Variants in FXYD5 observed in about 807,000 individuals in gnomAD.
The protein encoded by FXYD5 is FXYD domain-containing ion transport regulator 5.
A neutral mutation model predicts 25.7 loss-of-function variants in FXYD5; 21 were observed. The observed-to-expected ratio is 0.82, with a 90% CI of 0.58 to 1.18. The LOEUF is 1.18. FXYD5 is among the 50% of genes most tolerant of loss of function. FXYD5 has a pLI of 0.00. For missense variants in FXYD5, 229 were observed against 227.7 expected, an observed-to-expected ratio of 1.01 and a Z score of -0.04; for synonymous variants, 101 against 90.7, an observed-to-expected ratio of 1.11 and a Z score of -0.64.
chr19:35,155,487 G>A (rs2065344877), intron 1 of FXYD5, 64 bp from the exon 2 acceptor site: 3 of 1,328,092 alleles, frequency 2.3e-6, no homozygotes, highest in East Asian at 4.6e-5. Flanking sequence ...CAGGATCCCC[G>A]GGGGCTGCCG....
At chr19:35,165,781 G>A (rs2065444888) in intron 6 of FXYD5, among the ~76,000 whole-genome samples, 1 of 152,120 alleles carries the variant, frequency 6.6e-6, no homozygotes, top group South Asian at 2.1e-4. Context: ...TAGTCAACCT[G>A]TATTTCATAT....
At chr19:35,155,833 C>T (rs527670495) in intron 2 of FXYD5, among the ~76,000 whole-genome samples, 7 of 152,340 alleles carry the variant, frequency 4.6e-5, no homozygotes, top group Admixed American at 2.0e-4. Context: ...CTGGCCAGGG[C>T]CTGTCCTGCT....
intron 5 of FXYD5, among the ~76,000 whole-genome samples, chr19:35,161,248 A>ACACACACACACACACACACACACAC (rs61309039): frequency 0.015 from 2,106 of 142,778 alleles, 71 homozygotes; most frequent in South Asian, 0.032. Flanking sequence ...ACACACACAC[A>ACACACACACACACACACACACACAC]AAAGAATGAT....
intron 4 of FXYD5, among the ~76,000 whole-genome samples, chr19:35,159,089 T>TGCACTCCAGCCTGG (rs1183003110): frequency 3.3e-5 from 5 of 151,238 alleles, no homozygotes; most frequent in Non-Finnish European, 7.4e-5. Flanking sequence ...ATCTTGCCAC[T>TGCACTCCAGCCTGG]GCACTCCAGC....
intron 5 of FXYD5, among the ~76,000 whole-genome samples, chr19:35,162,367 G>A (rs2065414058): frequency 6.6e-6 from 1 of 152,188 alleles, no homozygotes; most frequent in Non-Finnish European, 1.5e-5. Context: ...AATCTGCTCA[G>A]GTTACGATAA....
intron 5 of FXYD5, among the ~76,000 whole-genome samples, chr19:35,161,670 TC>T (rs1202610642): frequency 1.3e-5 from 2 of 152,346 alleles, no homozygotes; most frequent in East Asian, 3.9e-4. Context: ...GAGGGGATTT[TC>T]CTTTGGACAA....
At chr19:35,165,062 A>C (rs2065438906) in intron 6 of FXYD5, among the ~76,000 whole-genome samples, 1 of 150,972 alleles carries the variant, frequency 6.6e-6, no homozygotes, top group South Asian at 2.1e-4. Context: ...TGAAGTCCAA[A>C]ATGTTCCAGT....
chr19:35,157,463 C>T lies in FXYD5; in HGVS notation c.104C>T (p.Ser35Leu). 6.3e-7 allele frequency: 1 copy of T among 1,593,034 alleles called. No homozygotes were observed. Among genetic ancestry groups the T allele is most frequent in the Non-Finnish European group, 8.6e-7 (1 of 1,161,032 alleles). Residue 35 changes from serine to leucine, a missense_variant, in exon 3 of 9, where the codon TCA becomes TTA. Ser to Leu is a moderately radical substitution (Grantham distance 145). Coordinates refer to ENST00000392219, the MANE Select transcript of FXYD5 (RefSeq NM_014164.6). ...ACCACGTCCAGTTCTTCAGCAGACTCAACTATCATGGACATTCAGGTCCCG... is the reference window on the plus strand; with the variant it reads ...ACCACGTCCAGTTCTTCAGCAGACTTAACTATCATGGACATTCAGGTCCCG... Reference protein sequence around the residue: ...KDTTSSSSADSTIMDIQVPTR... With the variant: ...KDTTSSSSADLTIMDIQVPTR...
At chr19:35,156,325 G>A (rs992483413) in intron 2 of FXYD5, among the ~76,000 whole-genome samples, 8 of 152,186 alleles carry the variant, frequency 5.3e-5, no homozygotes, top group Non-Finnish European at 8.8e-5. Flanking sequence ...TCATATACTC[G>A]TTCAGTCATT....
In FXYD5 at chr19:35,160,759, C is replaced by T. The variant is rs368270502; in HGVS notation, c.250C>T (p.Pro84Ser). 5 of 1,613,630 alleles carry T rather than the reference C, an allele frequency of 3.1e-6. No individual in the cohort carries two copies. In the African/African-American group the frequency reaches 4.0e-5, roughly 13 times the overall value. The change falls in exon 5 of 9, where the codon CCT becomes TCT. Residue 84 changes from proline (P) to serine (S), a missense_variant. Transcript: ENST00000392219. ...CCAGCAACTGGAAGGAACGGATGGG[C>T]CTCTAGTGACAGATCCAGAGACACA... is the stretch of plus-strand genomic sequence containing the variant. ...QTQQLEGTDG[P>S]LVTDPETHKS... is the part of the protein sequence containing the mutation.
intron 4 of FXYD5, chr19:35,159,935 A>G (rs910165633): frequency 2.3e-5 from 6 of 259,964 alleles, no homozygotes; most frequent in African/African-American, 1.1e-4. Context: ...GCCCAGGCAC[A>G]GTGGCTCATG....
chr19:35,167,865 A>G (rs1472539080), intron 8 of FXYD5, among the ~76,000 whole-genome samples: 3 of 152,158 alleles, frequency 2.0e-5, no homozygotes, highest in Non-Finnish European at 2.9e-5. Flanking sequence ...CCAGTGGAGA[A>G]GTTAAGGCTC....
chr19:35,168,546 C>T (rs901455661), intron 8 of FXYD5, among the ~76,000 whole-genome samples: 14 of 152,074 alleles, frequency 9.2e-5, no homozygotes, highest in African/African-American at 3.1e-4. Context: ...GAGGAGAAGA[C>T]GAGGCCAGAG....
chr19:35,158,401 G>A lies in FXYD5; in HGVS notation c.199+1G>A, dbSNP rs1170310590. The A allele has an allele frequency of 6.3e-7, 1 of 1,581,410 alleles. No homozygotes were observed. Among genetic ancestry groups the A allele is most frequent in the Non-Finnish European group, 8.7e-7 (1 of 1,150,502 alleles). ...CCAACCCCAACCTGGCCTGCTGATG[G>A]TGAGTAGTGCAGGGGCAGGCGGCGG... is the stretch of plus-strand genomic sequence containing the variant. On this transcript the variant is annotated splice_donor_variant, in intron 4 of 8. Transcript: ENST00000392219. LOFTEE classifies it high-confidence loss of function.
At position 35,156,266 on chromosome 19, in the gene FXYD5, G is replaced by T. The variant is rs577427881; in HGVS notation, c.61+655G>T. Among the ~76,000 whole-genome samples, 12 of 152,264 alleles carry T rather than the reference G, an allele frequency of 7.9e-5. No homozygotes were observed. In the South Asian group the frequency reaches 2.5e-3, roughly 32 times the overall value. ...GTCCTGCCTGCCCCCAGAACCCAGG[G>T]TGCATGCCCCACTGAAGGCGCCCTC... On this transcript the variant is annotated intron_variant, in intron 2 of 8. Transcript: ENST00000392219.
At chr19:35,160,414 A>G (rs1213640898) in intron 4 of FXYD5, among the ~76,000 whole-genome samples, 1 of 151,806 alleles carries the variant, frequency 6.6e-6, no homozygotes, top group Non-Finnish European at 1.5e-5. Context: ...CAATGGTGCA[A>G]TCTCGGCTCA....
At chr19:35,157,252 G>A (rs563237205) in intron 2 of FXYD5, among the ~76,000 whole-genome samples, 169 bp from the exon 3 acceptor site, 27 of 152,246 alleles carry the variant, frequency 1.8e-4, no homozygotes, top group African/African-American at 6.5e-4. Flanking sequence ...AGGGTTCCCA[G>A]GCATTGGCAT....
chr19:35,157,175 C>T (rs558259570), intron 2 of FXYD5, among the ~76,000 whole-genome samples: 2 of 152,268 alleles, frequency 1.3e-5, no homozygotes, highest in African/African-American at 4.8e-5. Flanking sequence ...CACCCTAGCA[C>T]CTGGGCTCAC....
chr19:35,156,590 T>C (rs564337304), intron 2 of FXYD5, among the ~76,000 whole-genome samples: 1 of 152,204 alleles, frequency 6.6e-6, no homozygotes, highest in Non-Finnish European at 1.5e-5. Flanking sequence ...GGAATGAGCT[T>C]TGCAGGTGTC....
Sources: gnomAD v4.1 joint callset for allele counts (sites outside exome capture counted in the v4.1 genomes callset) on GRCh38, gnomAD v4.1.1 for gene constraint, MANE v1.5 for transcripts, NCBI Gene and HGNC (gene_info 2026-07-23, HGNC 2026-07-21) for gene names.